ELSPBP1: variants seen among roughly 807,000 people sequenced by gnomAD.
ELSPBP1 encodes epididymal sperm-binding protein 1.
A neutral mutation model predicts 33.3 loss-of-function variants in ELSPBP1; 38 were observed. That is an observed-to-expected ratio of 1.14 (90% CI 0.88 to 1.50). The LOEUF is 1.50. Ranked by LOEUF, ELSPBP1 falls within the 40% of genes most tolerant of loss-of-function variation. The probability of loss-of-function intolerance (pLI) is 0.00; values close to 1 mark genes in which losing one functional copy is unlikely to be tolerated. For missense variants in ELSPBP1, 267 were observed against 263.5 expected (o/e 1.01, Z -0.09); for synonymous variants, 85 against 94.1 (o/e 0.90, Z 0.56).
intron 1 of ELSPBP1, among the ~76,000 whole-genome samples, chr19:48,004,173 A>G (rs1386998366): frequency 6.6e-6 from 1 of 151,748 alleles, no homozygotes; most frequent in Non-Finnish European, 1.5e-5. Flanking sequence ...TGAACTCCTG[A>G]CCTCAGATGA....
chr19:48,019,786 T>C lies in ELSPBP1; in HGVS notation c.423T>C (p.Ser141=), dbSNP rs749536350. ...FPSIYRNNVV[S]DCMEDESNKL... ...CCATCTACAGAAATAATGTGGTCTC[T>C]GATTGCATGGAGGATGAAAGCAACA... Residue 141 remains serine, a synonymous_variant, in exon 5 of 7, where the codon TCT becomes TCC. Coordinates refer to ENST00000339841, the MANE Select transcript of ELSPBP1 (RefSeq NM_022142.5). The C allele has an allele frequency of 1.9e-6, 3 of 1,614,098 alleles. No homozygotes were observed. The South Asian group carries it at 3.3e-5, about 18-fold the overall frequency.
At chr19:48,008,288 A>G (rs771498120) in intron 1 of ELSPBP1, among the ~76,000 whole-genome samples, 1 of 152,210 alleles carries the variant, frequency 6.6e-6, no homozygotes, top group Non-Finnish European at 1.5e-5. Context: ...GCTATAGTAC[A>G]GTGGCACAAT....
At chr19:48,013,955 T>C (rs535554046) in intron 2 of ELSPBP1, among the ~76,000 whole-genome samples, 2 of 152,126 alleles carry the variant, frequency 1.3e-5, no homozygotes, top group East Asian at 3.9e-4. Context: ...AGGGTTCTTA[T>C]CTCAGTCATG....
At chr19:48,020,912 G>A (rs1456385687) in intron 5 of ELSPBP1, among the ~76,000 whole-genome samples, 1 of 152,134 alleles carries the variant, frequency 6.6e-6, no homozygotes, top group African/African-American at 2.4e-5. Context: ...GAATAGCTGT[G>A]GGTGGGGGGG....
intron 4 of ELSPBP1, among the ~76,000 whole-genome samples, chr19:48,016,880 T>G (rs890859566): frequency 6.6e-6 from 1 of 152,168 alleles, no homozygotes; most frequent in Non-Finnish European, 1.5e-5. Context: ...ATTACAGGCA[T>G]GAGGCACTGT....
chr19:48,015,851 A>G lies in ELSPBP1; in HGVS notation c.209-42A>G, dbSNP rs1967125600. On this transcript the variant is annotated intron_variant, in intron 3 of 6. Coordinates refer to ENST00000339841, the MANE Select transcript of ELSPBP1 (RefSeq NM_022142.5). Reference sequence around the variant, plus strand: ...ATTAAATGACTCTGTCCTGTGAACGACTAGAGGAAGTTAAGACACTCACGA... The same window carrying G: ...ATTAAATGACTCTGTCCTGTGAACGGCTAGAGGAAGTTAAGACACTCACGA... 4 of 1,564,466 alleles carry G rather than the reference A, an allele frequency of 2.6e-6. No individual in the cohort carries two copies. The South Asian group carries it at 3.4e-5, about 13-fold the overall frequency.
At chr19:47,999,190 A>T (rs987934789) in intron 1 of ELSPBP1, among the ~76,000 whole-genome samples, 1 of 151,522 alleles carries the variant, frequency 6.6e-6, no homozygotes, top group Non-Finnish European at 1.5e-5. Context: ...CCTGTTTATT[A>T]TTTTTTTTCA....
At chr19:48,016,842 A>G (rs1967147700) in intron 4 of ELSPBP1, among the ~76,000 whole-genome samples, 1 of 151,998 alleles carries the variant, frequency 6.6e-6, no homozygotes, top group Non-Finnish European at 1.5e-5. Context: ...CAGGTGATCC[A>G]TCCGCCTCGG....
Position 48,023,931 on chromosome 19 carries a change from T to C in ELSPBP1, c.*8-1021T>C, listed in dbSNP as rs555808006. 5.9e-5 allele frequency among the ~76,000 whole-genome samples: 9 copies of C among 151,972 alleles called. No homozygotes were observed. The East Asian group carries it at 7.7e-4, about 13-fold the overall frequency. ...TGTCGCCCAGGCTGGAGTGCAGTGGTGCAATCTCAGCTCACTGCAGCCTCT... is the reference window on the plus strand; with the variant it reads ...TGTCGCCCAGGCTGGAGTGCAGTGGCGCAATCTCAGCTCACTGCAGCCTCT... On this transcript the variant is annotated intron_variant, in intron 6 of 6. Transcript: ENST00000339841.
intron 6 of ELSPBP1, among the ~76,000 whole-genome samples, chr19:48,023,344 GGAAGGAAA>G (rs1293040876): frequency 2.3e-5 from 3 of 128,880 alleles, no homozygotes; most frequent in African/African-American, 8.8e-5. Flanking sequence ...AAGGGAGGGA[GGAAGGAAA>G]GAAGGAAGGG....
Position 48,014,216 on chromosome 19 carries a change from T to G in ELSPBP1, c.116T>G (p.Val39Gly). Residue 39 changes from valine (V) to glycine (G), a missense_variant, in exon 3 of 7, where the codon GTT becomes GGT. Physicochemically the swap from Val to Gly is moderately radical, Grantham distance 109. Coordinates refer to ENST00000339841, the MANE Select transcript of ELSPBP1 (RefSeq NM_022142.5). Reference protein sequence around the residue: ...CVFPFTYKGSVYFTCTHIHSL... With the variant: ...CVFPFTYKGSGYFTCTHIHSL... ...TTTCCTTTCACCTACAAGGGATCTG[T>G]TTACTTCACTTGCACCCATATTCAT... is the stretch of plus-strand genomic sequence containing the variant. The G allele has an allele frequency of 6.2e-7, 1 of 1,614,036 alleles. No homozygotes were observed. Among genetic ancestry groups the G allele is most frequent in the Non-Finnish European group, 8.5e-7 (1 of 1,179,996 alleles).
chr19:48,000,970 G>A (rs1449128550), intron 1 of ELSPBP1, among the ~76,000 whole-genome samples: 1 of 152,164 alleles, frequency 6.6e-6, no homozygotes, highest in Non-Finnish European at 1.5e-5. Flanking sequence ...TTACAGTTCT[G>A]TGAGTCAGTC....
chr19:48,016,124 A>G (rs1967130253), intron 4 of ELSPBP1, 85 bp downstream of exon 4: 20 of 1,507,602 alleles, frequency 1.3e-5, no homozygotes, highest in Middle Eastern at 2.4e-4. Flanking sequence ...TGGGCAAGGT[A>G]GAGACCAGAG....
chr19:47,997,162 C>CT lies in ELSPBP1; in HGVS notation c.-18+2351_-18+2352insT, dbSNP rs370594068. Among the ~76,000 whole-genome samples, 586 of 152,250 alleles carry CT rather than the reference C, an allele frequency of 3.8e-3. 1 individual carries two copies. Among genetic ancestry groups the CT allele is most frequent in the African/African-American group, 0.013 (559 of 41,530 alleles). On this transcript the variant is annotated intron_variant, in intron 1 of 6. Coordinates refer to ENST00000339841, the MANE Select transcript of ELSPBP1 (RefSeq NM_022142.5). ...TTGGAATGCCAACACCAAGAGGCCC[C>CT]GGCACAGCGCTTTGCTCTATAGATG... is the stretch of plus-strand genomic sequence containing the variant.
intron 6 of ELSPBP1, 103 bp downstream of exon 6, chr19:48,022,437 G>A (rs114249913): frequency 0.023 from 25,368 of 1,092,526 alleles, 398 homozygotes; most frequent in Middle Eastern, 0.055. Context: ...TTTTTCAAGC[G>A]TGTCTGATTA....
At chr19:48,008,876 C>T (rs1967049590) in intron 2 of ELSPBP1, 139 bp downstream of exon 2, 3 of 691,866 alleles carry the variant, frequency 4.3e-6, no homozygotes, top group Non-Finnish European at 7.4e-6. Context: ...TGGCTGACAC[C>T]TGTAATCCCA....
chr19:48,006,521 G>A (rs1049234883), intron 1 of ELSPBP1, among the ~76,000 whole-genome samples: 1 of 149,528 alleles, frequency 6.7e-6, no homozygotes, highest in African/African-American at 2.4e-5. Flanking sequence ...GGCTGAGGCA[G>A]GAGAATCGCT....
Position 48,019,890 on chromosome 19 carries a change from T to TTG in ELSPBP1, c.514+13_514+14insTG. ...TGTGCCGACACCAGTAATCTGGGGA[T>TTG]GGGGGTTGGGTGGGTGTGGGTGGAG... On this transcript the variant is annotated intron_variant, in intron 5 of 6. Transcript: ENST00000339841. 1 of 1,433,482 alleles carries TTG rather than the reference T, an allele frequency of 7.0e-7. No individual in the cohort carries two copies. Among genetic ancestry groups the TTG allele is most frequent in the Non-Finnish European group, 9.7e-7 (1 of 1,035,992 alleles). The allele number at this position is 1,433,482 out of a possible 1,614,324, so 88.8% of individuals were successfully genotyped here. A position where few individuals can be genotyped will look rare whatever the true frequency, so the allele number is the denominator to read the frequency against.
chr19:48,006,747 G>T (rs2122301872), intron 1 of ELSPBP1, among the ~76,000 whole-genome samples: 1 of 152,108 alleles, frequency 6.6e-6, no homozygotes, highest in East Asian at 1.9e-4. Context: ...GCATTGTCAG[G>T]TCTAAGTCCT....
Sources: allele counts gnomAD v4.1 joint callset (sites outside exome capture counted in the v4.1 genomes callset), GRCh38; gene constraint gnomAD v4.1.1; transcripts MANE v1.5; gene names NCBI Gene and HGNC (gene_info 2026-07-23, HGNC 2026-07-21).